FHOD3: variants seen among roughly 807,000 people sequenced by gnomAD.
The protein encoded by FHOD3 is formin homology 2 domain containing 3, also known as FH1/FH2 domain-containing protein 3.
In FHOD3, 90 loss-of-function variants were observed where a neutral mutation model predicts 173.0. The observed-to-expected ratio is 0.52, with a 90% CI of 0.44 to 0.62. FHOD3 has a LOEUF of 0.62. Ranked by LOEUF, FHOD3 falls within the 20% of genes least tolerant of loss-of-function variation. The probability of loss-of-function intolerance (pLI) is 0.00; values close to 1 mark genes in which losing one functional copy is unlikely to be tolerated. For missense variants in FHOD3, 1,945 were observed against 2,034.7 expected, an observed-to-expected ratio of 0.96 and a Z score of 0.85; for synonymous variants, 828 against 823.0, an observed-to-expected ratio of 1.01 and a Z score of -0.10.
At chr18:36,348,044 CATT>C (rs1020304891) in intron 1 of FHOD3, among the ~76,000 whole-genome samples, 1 of 152,136 alleles carries the variant, frequency 6.6e-6, no homozygotes, top group African/African-American at 2.4e-5. Flanking sequence ...ATGGGGGAAT[CATT>C]AGTCCATAAA....
intron 27 of FHOD3, 82 bp downstream of exon 27, chr18:36,760,864 G>A (rs1043235499): frequency 2.1e-6 from 3 of 1,409,594 alleles, no homozygotes. Context: ...GCAGGCTGCG[G>A]TCCACGGCTG....
At chr18:36,476,017 T>C (rs569081223) in intron 3 of FHOD3, among the ~76,000 whole-genome samples, 1 of 152,316 alleles carries the variant, frequency 6.6e-6, no homozygotes, top group Admixed American at 6.5e-5. Flanking sequence ...AGAAATGTAT[T>C]TTTAAAAGCA....
chr18:36,532,644 A>G (rs981878306), intron 5 of FHOD3, among the ~76,000 whole-genome samples: 1 of 152,052 alleles, frequency 6.6e-6, no homozygotes, highest in Admixed American at 6.6e-5. Context: ...ATCCTTCCCA[A>G]CCCTCTTTGT....
intron 20 of FHOD3, among the ~76,000 whole-genome samples, chr18:36,733,716 A>G (rs2041487770): frequency 6.6e-6 from 1 of 152,200 alleles, no homozygotes; most frequent in African/African-American, 2.4e-5. Flanking sequence ...GCTGACGGAT[A>G]TGGGAGTAGC....
intron 5 of FHOD3, among the ~76,000 whole-genome samples, chr18:36,566,023 G>A (rs2058250931): frequency 6.6e-6 from 1 of 152,200 alleles, no homozygotes; most frequent in Admixed American, 6.5e-5. Flanking sequence ...TTATATCTCT[G>A]TGCCCATTTA....
At chr18:36,763,654 CGTT>C (rs1159777025) in intron 27 of FHOD3, among the ~76,000 whole-genome samples, 3 of 146,790 alleles carry the variant, frequency 2.0e-5, no homozygotes, top group Non-Finnish European at 4.5e-5. Context: ...GTATTATACA[CGTT>C]ATATATAATA....
In FHOD3 at chr18:36,769,385, T is replaced by G. The variant is rs1461254845; in HGVS notation, c.4745T>G (p.Val1582Gly). Residue 1582 changes from valine to glycine, a missense_variant, in exon 28 of 29, where the codon GTG becomes GGG. Physicochemically the swap from Val to Gly is moderately radical, Grantham distance 109 (BLOSUM62 -3). Around this residue, in one of 5 missense-constraint regions of FHOD3, gnomAD observed 354 missense variants for 359.9 expected, o/e 0.98. Coordinates refer to ENST00000590592, the MANE Select transcript of FHOD3 (RefSeq NM_001281740.3). ...SATQVPSQRV[V>G]PRERKRSRAN... Reference sequence around the variant, plus strand: ...ACCCAAGTGCCCAGTCAGCGAGTGGTGCCGAGGGAGAGGAAACGATCCCGG... The same window carrying G: ...ACCCAAGTGCCCAGTCAGCGAGTGGGGCCGAGGGAGAGGAAACGATCCCGG... The G allele has an allele frequency of 6.2e-7, 1 of 1,614,006 alleles. No homozygotes were observed.
intron 3 of FHOD3, among the ~76,000 whole-genome samples, chr18:36,377,480 G>T (rs2047500256): frequency 1.3e-5 from 2 of 152,174 alleles, no homozygotes; most frequent in South Asian, 4.1e-4. Context: ...CTCTGTGTCA[G>T]TTTGGAATTT....
chr18:36,720,750 T>TCTCCTCCTGCTCCTTCTC (rs1191776662), intron 19 of FHOD3, among the ~76,000 whole-genome samples: 7 of 111,552 alleles, frequency 6.3e-5, no homozygotes, highest in Non-Finnish European at 1.2e-4. Flanking sequence ...TCCTCCTTCT[T>TCTCCTCCTGCTCCTTCTC]CTCCTCCTGC....
At position 36,549,532 on chromosome 18, in the gene FHOD3, C is replaced by CTTTTT. The variant is rs386387404; in HGVS notation, c.512-26900_512-26896dup. 4.4e-3 allele frequency among the ~76,000 whole-genome samples: 315 copies of CTTTTT among 71,230 alleles called. 19 individuals carry two copies. The highest frequency in any genetic ancestry group is 0.013 in the African/African-American group (225 of 17,444). The allele number at this position is 71,230 out of a possible 152,430, so 46.7% of individuals were successfully genotyped here. ...ACATTTAGTGTCAGATCTAAGAAAT[C>CTTTTT]TTTTTTTTTTTTTTTTTTTTTTTGA... On this transcript the variant is annotated intron_variant, in intron 5 of 28. Coordinates refer to ENST00000590592, the MANE Select transcript of FHOD3 (RefSeq NM_001281740.3).
In FHOD3 at chr18:36,652,914, C is replaced by G. The variant is rs1199812074; in HGVS notation, c.1631C>G (p.Ser544Cys). ...TCCACCAAGGAGAAGGAAGCAGAGT[C>G]CCAGAAGGAAAACAGGTAGATTTGC... Reference protein sequence around the residue: ...SLSTKEKEAESQKENSSSDSF... With the variant: ...SLSTKEKEAECQKENSSSDSF... Residue 544 changes from serine to cysteine, a missense_variant, in exon 12 of 29, where the codon TCC becomes TGC. Around this residue, in one of 5 missense-constraint regions of FHOD3, gnomAD observed 1,099 missense variants for 1,051.2 expected, o/e 1.05. Coordinates refer to ENST00000590592, the MANE Select transcript of FHOD3 (RefSeq NM_001281740.3). 1 of 1,531,836 alleles carries G rather than the reference C, an allele frequency of 6.5e-7. No homozygotes were observed. Among genetic ancestry groups the G allele is most frequent in the African/African-American group, 1.4e-5 (1 of 72,942 alleles). The allele number at this position is 1,531,836 out of a possible 1,614,324, so 94.9% of individuals were successfully genotyped here.
intron 15 of FHOD3, among the ~76,000 whole-genome samples, chr18:36,684,975 T>C (rs1350290831): frequency 6.6e-6 from 1 of 152,142 alleles, no homozygotes; most frequent in African/African-American, 2.4e-5. Flanking sequence ...GGCTAATTTT[T>C]GTATTTTTTT....
At chr18:36,351,891 C>A (rs2046143476) in intron 1 of FHOD3, among the ~76,000 whole-genome samples, 1 of 152,156 alleles carries the variant, frequency 6.6e-6, no homozygotes, top group Non-Finnish European at 1.5e-5. Context: ...TAGTACATTC[C>A]CACCTCCTTC....
intron 1 of FHOD3, among the ~76,000 whole-genome samples, chr18:36,310,356 T>A (rs1000889739): frequency 6.6e-6 from 1 of 152,162 alleles, no homozygotes; most frequent in Non-Finnish European, 1.5e-5. Flanking sequence ...ATATGACTCA[T>A]GTCAAAGTGT....
chr18:36,647,323 A>T (rs1421330061), intron 10 of FHOD3, among the ~76,000 whole-genome samples: 1 of 152,222 alleles, frequency 6.6e-6, no homozygotes, highest in Non-Finnish European at 1.5e-5. Context: ...AAAGAAGAGC[A>T]TATCCAAATG....
At chr18:36,564,282 C>T (rs2058190650) in intron 5 of FHOD3, among the ~76,000 whole-genome samples, 1 of 152,176 alleles carries the variant, frequency 6.6e-6, no homozygotes, top group Non-Finnish European at 1.5e-5. Context: ...ATTAAAATGA[C>T]TGTTTTACTT....
chr18:36,437,192 G>C (rs531648549), intron 3 of FHOD3, among the ~76,000 whole-genome samples: 5 of 151,480 alleles, frequency 3.3e-5, no homozygotes, highest in Non-Finnish European at 7.4e-5. Context: ...TTCTTGGCTC[G>C]CTGCATCCTT....
intron 1 of FHOD3, among the ~76,000 whole-genome samples, chr18:36,340,732 G>A (rs977803452): frequency 1.3e-4 from 19 of 151,754 alleles, no homozygotes; most frequent in African/African-American, 4.6e-4. Context: ...CGCCTTCCGG[G>A]TTCATGCCAT....
At chr18:36,628,175 A>G (rs954941011) in intron 10 of FHOD3, among the ~76,000 whole-genome samples, 1 of 152,194 alleles carries the variant, frequency 6.6e-6, no homozygotes, top group African/African-American at 2.4e-5. Context: ...TCTCACGATC[A>G]TCCTCTGTAA....
Sources: allele counts gnomAD v4.1 joint callset (sites outside exome capture counted in the v4.1 genomes callset), GRCh38; gene constraint gnomAD v4.1.1; regional missense constraint gnomAD v4.1.1; transcripts MANE v1.5; gene names NCBI Gene and HGNC (gene_info 2026-07-23, HGNC 2026-07-21).